The following SMAD3 variants were observed in gnomAD, a reference collection of about 807,000 sequenced individuals.
SMAD3 encodes SMAD family member 3.
Under a neutral mutation model 51.8 loss-of-function variants are expected in SMAD3, and 12 were observed. The observed-to-expected ratio is 0.23, with a 90% CI of 0.15 to 0.38. The LOEUF (loss-of-function observed/expected upper bound fraction) is 0.38. Among genes scored for constraint, SMAD3 ranks in the 10% least tolerant of loss-of-function variants. The probability of loss-of-function intolerance (pLI) is 1.00; values close to 1 mark genes in which losing one functional copy is unlikely to be tolerated. For synonymous variants in SMAD3, 238 were observed against 227.7 expected, an observed-to-expected ratio of 1.05 and a Z score of -0.41; for missense variants, 294 against 565.6, an observed-to-expected ratio of 0.52 and a Z score of 4.87.
intron 7 of SMAD3, among the ~76,000 whole-genome samples, chr15:67,185,529 C>T (rs143449159): frequency 2.0e-5 from 3 of 152,044 alleles, no homozygotes; most frequent in Non-Finnish European, 2.9e-5. Flanking sequence ...TGTATGAGAC[C>T]GTCAGGGGAA....
In SMAD3 at chr15:67,193,707, T is replaced by A. The variant is rs551241364; in HGVS notation, c.*3171T>A. Reference sequence around the variant, plus strand: ...TGTCTGTGTTGTATTTTTTTTTTTTTATTGACCATGGTGATTATTTTTTTA... The same window carrying A: ...TGTCTGTGTTGTATTTTTTTTTTTTAATTGACCATGGTGATTATTTTTTTA... On this transcript the variant is annotated 3_prime_UTR_variant, in exon 9 of 9. Coordinates refer to ENST00000327367, the MANE Select transcript of SMAD3 (RefSeq NM_005902.4). 13 of 232,810 alleles carry A rather than the reference T, an allele frequency of 5.6e-5. No individual in the cohort carries two copies. The highest frequency in any genetic ancestry group is 1.5e-4 in the African/African-American group (7 of 45,376). The allele number at this position is 232,810 out of a possible 1,614,324, so 14.4% of individuals were successfully genotyped here.
Position 67,164,886 on chromosome 15 carries a change from T to C in SMAD3, c.207-9T>C, listed in dbSNP as rs1194590241. On this transcript the variant is annotated splice_polypyrimidine_tract_variant and intron_variant, in intron 1 of 8. Transcript: ENST00000327367. ...TTCCCTCTCTTTCTGCCCCTCCCCG[T>C]CCTGGCAGGTCCCTGGATGGCCGGT... is the stretch of plus-strand genomic sequence containing the variant. The C allele has an allele frequency of 6.2e-7, 1 of 1,612,520 alleles. No homozygotes were observed.
chr15:67,147,376 G>C (rs544473459), intron 1 of SMAD3, among the ~76,000 whole-genome samples: 1 of 152,130 alleles, frequency 6.6e-6, no homozygotes, highest in African/African-American at 2.4e-5. Flanking sequence ...TGTGGTGTTA[G>C]CTTCTTTGTT....
rs577571197 is a variant in SMAD3, at chr15:67,086,513, T to C, written c.206+20153T>C. ...TGGGCTTGTGGATCCTTAATTGGTG[T>C]GAAATGCGCCCTAGGAGGGGAGACT... On this transcript the variant is annotated intron_variant, in intron 1 of 8. Coordinates refer to ENST00000327367, the MANE Select transcript of SMAD3 (RefSeq NM_005902.4). Among the ~76,000 whole-genome samples, 5 of 152,212 alleles carry C rather than the reference T, an allele frequency of 3.3e-5. No homozygotes were observed. The East Asian group carries it at 9.6e-4, about 29-fold the overall frequency.
intron 1 of SMAD3, among the ~76,000 whole-genome samples, chr15:67,163,944 T>TAAAAAAAAAAAA: frequency 1.1e-5 from 1 of 87,916 alleles, no homozygotes; most frequent in Non-Finnish European, 2.1e-5. Context: ...GTATCAAAAG[T>TAAAAAAAAAAAA]AAAAAAAAAA....
chr15:67,138,244 G>C, intron 1 of SMAD3: 1 of 647,188 alleles, frequency 1.5e-6, no homozygotes, highest in East Asian at 2.8e-5. Flanking sequence ...TAGGATGTCA[G>C]GAAGCAACTG....
Position 67,194,595 on chromosome 15 carries a change from ATTT to A in SMAD3, c.*4065_*4067del, listed in dbSNP as rs1480720744. 1 of 231,392 alleles carries A rather than the reference ATTT, an allele frequency of 4.3e-6. No individual in the cohort carries two copies. Among genetic ancestry groups the A allele is most frequent in the African/African-American group, 2.2e-5 (1 of 45,212 alleles). The allele number at this position is 231,392 out of a possible 1,614,324, so 14.3% of individuals were successfully genotyped here. A position where few individuals can be genotyped will look rare whatever the true frequency, so the allele number is the denominator to read the frequency against. On this transcript the variant is annotated 3_prime_UTR_variant, in exon 9 of 9. Transcript: ENST00000327367. Reference sequence around the variant, plus strand: ...AACCATTCAGACAGATAACTATTTAATTTTTTTTAAGAAAGTTGGAAAGGTCTC... The same window carrying A: ...AACCATTCAGACAGATAACTATTTAATTTTTAAGAAAGTTGGAAAGGTCTC...
At chr15:67,108,315 C>T (rs1429193795) in intron 1 of SMAD3, among the ~76,000 whole-genome samples, 1 of 152,098 alleles carries the variant, frequency 6.6e-6, no homozygotes, top group Admixed American at 6.5e-5. Flanking sequence ...TGAAAATGAC[C>T]ATGCTTTGCC....
intron 1 of SMAD3, among the ~76,000 whole-genome samples, chr15:67,141,271 A>G (rs546627410): frequency 2.0e-5 from 3 of 152,290 alleles, no homozygotes; most frequent in South Asian, 2.1e-4. Flanking sequence ...TCAACGTACT[A>G]TCTGTGTTGT....
intron 1 of SMAD3, among the ~76,000 whole-genome samples, chr15:67,140,070 C>T (rs1208827819): frequency 2.0e-5 from 3 of 151,634 alleles, no homozygotes; most frequent in East Asian, 1.9e-4. Context: ...TGCAGTAAAC[C>T]GAGATGGCAC....
chr15:67,105,470 G>A (rs1273123993), intron 1 of SMAD3, among the ~76,000 whole-genome samples: 2 of 152,210 alleles, frequency 1.3e-5, no homozygotes, highest in South Asian at 2.1e-4. Flanking sequence ...GAAGCAAAGA[G>A]TATTATTCAG....
chr15:67,101,629 G>A (rs1960759965), intron 1 of SMAD3, among the ~76,000 whole-genome samples: 3 of 152,212 alleles, frequency 2.0e-5, no homozygotes, highest in Admixed American at 2.0e-4. Flanking sequence ...GCTGAATAAG[G>A]TTTGAGGATC....
At chr15:67,098,384 A>AGCG (rs1960666969) in intron 1 of SMAD3, among the ~76,000 whole-genome samples, 2 of 137,350 alleles carry the variant, frequency 1.5e-5, no homozygotes, top group Non-Finnish European at 3.2e-5. Context: ...GCAAGCCAGC[A>AGCG]GGATTTGGAA....
chr15:67,074,373 G>C (rs1451995152), intron 1 of SMAD3, among the ~76,000 whole-genome samples: 1 of 152,212 alleles, frequency 6.6e-6, no homozygotes, highest in Non-Finnish European at 1.5e-5. Context: ...AGGCATTATA[G>C]AGGATACCTG....
At chr15:67,160,998 T>G (rs1474874090) in intron 1 of SMAD3, among the ~76,000 whole-genome samples, 1 of 152,046 alleles carries the variant, frequency 6.6e-6, no homozygotes, top group Non-Finnish European at 1.5e-5. Context: ...TTAAGTGCTT[T>G]TTGGTGTGGT....
chr15:67,170,868 C>T (rs1962732983), intron 5 of SMAD3, among the ~76,000 whole-genome samples: 3 of 152,198 alleles, frequency 2.0e-5, no homozygotes, highest in South Asian at 2.1e-4. Context: ...AATGAAAATT[C>T]CCCCAAACTT....
intron 7 of SMAD3, 63 bp from the exon 8 acceptor site, chr15:67,187,302 A>T: frequency 6.2e-7 from 1 of 1,604,786 alleles, no homozygotes. Flanking sequence ...TGCTTTATCC[A>T]GGAGGGGAGC....
intron 7 of SMAD3, among the ~76,000 whole-genome samples, chr15:67,185,321 C>T (rs532945919): frequency 6.6e-6 from 1 of 152,264 alleles, no homozygotes; most frequent in African/African-American, 2.4e-5. Flanking sequence ...GCCAGCAGCC[C>T]AGGTAGAGAG....
Position 67,177,733 on chromosome 15 carries a change from G to GT in SMAD3, c.659-3497dup, listed in dbSNP as rs71142359. On this transcript the variant is annotated intron_variant, in intron 5 of 8. Coordinates refer to ENST00000327367, the MANE Select transcript of SMAD3 (RefSeq NM_005902.4). ...ACCACTGCATATGGTCTGTTTTTTT[G>GT]TTTTTTTTTTTGTTAAGGAAAAATG... Among the ~76,000 whole-genome samples the GT allele has an allele frequency of 9.8e-4, 146 of 148,964 alleles. 1 individual carries two copies. The highest frequency in any genetic ancestry group is 1.5e-3 in the African/African-American group (60 of 40,564).
Sources: gnomAD v4.1 joint callset for allele counts (sites outside exome capture counted in the v4.1 genomes callset) on GRCh38, gnomAD v4.1.1 for gene constraint, MANE v1.5 for transcripts, NCBI Gene and HGNC (gene_info 2026-07-23, HGNC 2026-07-21) for gene names.